The following COL19A1 variants were observed in gnomAD, a reference collection of about 807,000 sequenced individuals.
The protein encoded by COL19A1 is collagen type XIX alpha 1 chain.
Under a neutral mutation model 190.2 loss-of-function variants are expected in COL19A1, and 159 were observed. The ratio of observed to expected loss-of-function variants is 0.84; its 90% CI spans 0.73 to 0.95. COL19A1 has a LOEUF of 0.95. COL19A1 is among the 40% of genes least tolerant of loss of function. The pLI is 0.00. For synonymous variants in COL19A1, 509 were observed against 458.9 expected (o/e 1.11, Z -1.39); for missense variants, 1,418 against 1,431.9 (o/e 0.99, Z 0.16).
intron 11 of COL19A1, among the ~76,000 whole-genome samples, chr6:69,986,879 C>T (rs1314283571): frequency 6.6e-6 from 1 of 152,034 alleles, no homozygotes; most frequent in East Asian, 1.9e-4. Context: ...AATTCTATTT[C>T]TAAGATTTTG....
intron 16 of COL19A1, among the ~76,000 whole-genome samples, chr6:70,115,952 C>A (rs1784555022): frequency 6.7e-6 from 1 of 150,234 alleles, no homozygotes. Flanking sequence ...GTAATTAAAC[C>A]CCAAGAGACA....
intron 2 of COL19A1, among the ~76,000 whole-genome samples, chr6:69,895,399 C>T (rs1043335118): frequency 1.1e-4 from 17 of 152,210 alleles, no homozygotes; most frequent in Admixed American, 4.6e-4. Flanking sequence ...CCAAAAATGT[C>T]GCAGGACTTT....
chr6:70,010,172 G>T (rs1258608587), intron 11 of COL19A1, among the ~76,000 whole-genome samples: 1 of 152,076 alleles, frequency 6.6e-6, no homozygotes, highest in African/African-American at 2.4e-5. Flanking sequence ...TTACATATAT[G>T]ATAAAATGAC....
At chr6:70,191,615 C>A (rs75690338) in intron 48 of COL19A1, among the ~76,000 whole-genome samples, 3,384 of 152,322 alleles carry the variant, frequency 0.022, 99 homozygotes, top group East Asian at 0.13. Context: ...GAATCCATTT[C>A]ATTGTCCTAA....
chr6:69,957,303 C>T (rs2150041459), intron 9 of COL19A1, among the ~76,000 whole-genome samples: 1 of 152,028 alleles, frequency 6.6e-6, no homozygotes, highest in South Asian at 2.1e-4. Flanking sequence ...ACCAGCTGAC[C>T]CTAAACATCA....
chr6:70,090,756 T>G (rs1582887196), intron 15 of COL19A1, among the ~76,000 whole-genome samples: 6 of 152,280 alleles, frequency 3.9e-5, no homozygotes, highest in Admixed American at 3.3e-4. Context: ...ACGAAACTCC[T>G]AACGGCTTCA....
At chr6:70,184,296 A>G (rs903295753) in intron 44 of COL19A1, among the ~76,000 whole-genome samples, 1 of 152,226 alleles carries the variant, frequency 6.6e-6, no homozygotes, top group Non-Finnish European at 1.5e-5. Context: ...GCCATACTCC[A>G]GCCACCTATG....
At chr6:70,072,335 C>T (rs1473231758) in intron 15 of COL19A1, among the ~76,000 whole-genome samples, 2 of 152,184 alleles carry the variant, frequency 1.3e-5, no homozygotes, top group East Asian at 1.9e-4. Flanking sequence ...TCAAGGTTAG[C>T]GTGAAGCTAC....
At chr6:70,029,511 T>C (rs2150111395) in intron 12 of COL19A1, among the ~76,000 whole-genome samples, 1 of 152,298 alleles carries the variant, frequency 6.6e-6, no homozygotes, top group African/African-American at 2.4e-5. Context: ...CAGAGTCTAT[T>C]CCATTTGGCT....
At position 69,955,519 on chromosome 6, in the gene COL19A1, C is replaced by A. The variant is rs909542287; in HGVS notation, c.937-4477C>A. Among the ~76,000 whole-genome samples, 198 of 133,926 alleles carry A rather than the reference C, an allele frequency of 1.5e-3. 1 individual carries two copies. Among genetic ancestry groups the A allele is most frequent in the South Asian group, 1.8e-3 (7 of 3,856 alleles). The allele number at this position is 133,926 out of a possible 152,430, so 87.9% of individuals were successfully genotyped here. Reference sequence around the variant, plus strand: ...GTACAAAACTGTATAGTAGCCACAGCAAAGTGTGTGTGTGTGTGTGTGTGT... The same window carrying A: ...GTACAAAACTGTATAGTAGCCACAGAAAAGTGTGTGTGTGTGTGTGTGTGT... On this transcript the variant is annotated intron_variant, in intron 9 of 50. Transcript: ENST00000620364.
In COL19A1 at chr6:70,168,004, G is replaced by C. The variant is rs374842124; in HGVS notation, c.2446-21G>C. ...AGTATTAACTTCCAAGAATAATTCTGTATCTCACCTCTTTCCTAAGGGTAT... is the reference window on the plus strand; with the variant it reads ...AGTATTAACTTCCAAGAATAATTCTCTATCTCACCTCTTTCCTAAGGGTAT... On this transcript the variant is annotated intron_variant, in intron 37 of 50. Transcript: ENST00000620364. 1.9e-6 allele frequency: 3 copies of C among 1,555,658 alleles called. No homozygotes were observed. In the East Asian group the frequency reaches 6.8e-5, roughly 35 times the overall value.
At chr6:70,044,867 T>A (rs1306039681) in intron 14 of COL19A1, among the ~76,000 whole-genome samples, 3 of 152,214 alleles carry the variant, frequency 2.0e-5, no homozygotes, top group Admixed American at 2.0e-4. Flanking sequence ...GTTAAGACTA[T>A]CATGTGAATT....
intron 14 of COL19A1, among the ~76,000 whole-genome samples, chr6:70,052,226 G>A (rs563127231): frequency 1.3e-5 from 2 of 152,164 alleles, no homozygotes; most frequent in South Asian, 2.1e-4. Flanking sequence ...ACCATGTCAA[G>A]GAATAAGAAT....
chr6:69,966,310 G>C (rs1449220475), intron 11 of COL19A1, among the ~76,000 whole-genome samples: 1 of 152,176 alleles, frequency 6.6e-6, no homozygotes, highest in African/African-American at 2.4e-5. Flanking sequence ...GATGACGATG[G>C]CGGTTTTGTG....
chr6:69,998,281 T>A (rs768135616), intron 11 of COL19A1, among the ~76,000 whole-genome samples: 1 of 152,084 alleles, frequency 6.6e-6, no homozygotes, highest in Non-Finnish European at 1.5e-5. Flanking sequence ...CACAATTTAT[T>A]TATTTATTTA....
intron 48 of COL19A1, among the ~76,000 whole-genome samples, chr6:70,194,331 C>T (rs1364107748): frequency 1.3e-5 from 2 of 152,150 alleles, no homozygotes; most frequent in Non-Finnish European, 2.9e-5. Context: ...AGGTGACCCA[C>T]CTGGTGATAC....
chr6:69,937,343 A>G (rs551886340), intron 8 of COL19A1, among the ~76,000 whole-genome samples: 1 of 152,256 alleles, frequency 6.6e-6, no homozygotes, highest in African/African-American at 2.4e-5. Flanking sequence ...TAAATTTTCA[A>G]CTGGCTGTCT....
chr6:69,898,082 A>C (rs903714451), intron 2 of COL19A1, among the ~76,000 whole-genome samples: 2 of 152,052 alleles, frequency 1.3e-5, no homozygotes, highest in African/African-American at 4.8e-5. Flanking sequence ...AAAACTTCTT[A>C]GTTATTAAAC....
At chr6:70,043,299 C>A (rs1452082533) in intron 14 of COL19A1, among the ~76,000 whole-genome samples, 3 of 151,476 alleles carry the variant, frequency 2.0e-5, no homozygotes, top group African/African-American at 7.3e-5. Context: ...TCACGCCATT[C>A]TCCTGCCTCA....
Sources: allele counts gnomAD v4.1 joint callset (sites outside exome capture counted in the v4.1 genomes callset), GRCh38; gene constraint gnomAD v4.1.1; transcripts MANE v1.5; gene names NCBI Gene and HGNC (gene_info 2026-07-23, HGNC 2026-07-21).